Variants in CNOT2 observed in about 807,000 individuals in gnomAD.
CNOT2 encodes the protein CCR4-NOT transcription complex subunit 2.
CNOT2 carries 7 observed loss-of-function variants against 72.1 expected under a neutral mutation model. The ratio of observed to expected loss-of-function variants is 0.10; its 90% CI spans 0.06 to 0.18. The LOEUF is 0.18. CNOT2 is among the 10% of genes least tolerant of loss of function. The pLI, the probability that CNOT2 is intolerant of heterozygous loss-of-function variation, is 1.00. For missense variants in CNOT2, 345 were observed against 660.3 expected (o/e 0.52, Z 5.23); for synonymous variants, 196 against 225.6 (o/e 0.87, Z 1.17).
chr12:70,289,443 TC>T (rs1400605532), intron 2 of CNOT2, among the ~76,000 whole-genome samples: 9 of 152,034 alleles, frequency 5.9e-5, no homozygotes, highest in African/African-American at 2.2e-4. Flanking sequence ...TTTTTATGAG[TC>T]TTACACGTGG....
chr12:70,338,906 A>C, intron 11 of CNOT2, 84 bp downstream of exon 11: 159 of 1,104,710 alleles, frequency 1.4e-4, no homozygotes, highest in Non-Finnish European at 1.8e-4. Context: ...AAATTATCTC[A>C]CCTACTGCTA....
intron 4 of CNOT2, among the ~76,000 whole-genome samples, chr12:70,320,662 T>A (rs1157941550): frequency 6.6e-6 from 1 of 151,818 alleles, no homozygotes; most frequent in Non-Finnish European, 1.5e-5. Context: ...TGGTAACCCT[T>A]ACTATAGAAA....
intron 8 of CNOT2, chr12:70,337,186 T>C: frequency 4.7e-6 from 2 of 426,484 alleles, no homozygotes; most frequent in Non-Finnish European, 8.5e-6. Context: ...CCTTGTATTA[T>C]TTTGTATGTT....
At chr12:70,265,261 GT>G (rs1958966868) in intron 1 of CNOT2, among the ~76,000 whole-genome samples, 1 of 121,426 alleles carries the variant, frequency 8.2e-6, no homozygotes, top group South Asian at 2.5e-4. Flanking sequence ...CAAACCTGGA[GT>G]TTCGTTTTGT....
intron 14 of CNOT2, 156 bp from the exon 15 acceptor site, chr12:70,346,024 G>A (rs958550140): frequency 9.2e-6 from 5 of 545,488 alleles, no homozygotes; most frequent in Admixed American, 7.1e-5. Flanking sequence ...CAATGCGGTT[G>A]TATTTAATAA....
At chr12:70,252,675 G>C (rs75906221) in intron 1 of CNOT2, among the ~76,000 whole-genome samples, 3 of 152,070 alleles carry the variant, frequency 2.0e-5, no homozygotes, top group African/African-American at 7.2e-5. Flanking sequence ...GAACTAACCA[G>C]CCTGAAATGG....
At chr12:70,299,451 C>T (rs1026480482) in intron 2 of CNOT2, among the ~76,000 whole-genome samples, 1 of 148,670 alleles carries the variant, frequency 6.7e-6, no homozygotes, top group African/African-American at 2.5e-5. Context: ...TCAATTCCCA[C>T]CTATGAGTGA....
chr12:70,261,098 A>G (rs1344097863), intron 1 of CNOT2, among the ~76,000 whole-genome samples: 3 of 150,444 alleles, frequency 2.0e-5, no homozygotes, highest in African/African-American at 7.3e-5. Context: ...GGGCTGTTAG[A>G]TTTTTTCAGA....
chr12:70,347,120 G>C (rs1452573555), intron 15 of CNOT2, among the ~76,000 whole-genome samples: 1 of 151,202 alleles, frequency 6.6e-6, no homozygotes, highest in African/African-American at 2.4e-5. Flanking sequence ...TAATTAAAGA[G>C]TTAAATTTGT....
chr12:70,268,039 T>C lies in CNOT2; in HGVS notation c.-95-10093T>C, dbSNP rs1243416544. Among the ~76,000 whole-genome samples the C allele has an allele frequency of 2.6e-5, 4 of 152,238 alleles. 1 individual carries two copies. Among genetic ancestry groups the C allele is most frequent in the African/African-American group, 9.6e-5 (4 of 41,474 alleles). On this transcript the variant is annotated intron_variant, in intron 1 of 15. Transcript: ENST00000229195. ...AAGTTTGCCAACTCCTGGTCTGACA[T>C]GTACACACACATATTTTCCATTTTT...
chr12:70,339,066 A>G (rs367824342), intron 11 of CNOT2, among the ~76,000 whole-genome samples: 5 of 134,678 alleles, frequency 3.7e-5, no homozygotes, highest in South Asian at 2.6e-4. Flanking sequence ...GCATGTATAT[A>G]TGTGTGTGTG....
At chr12:70,284,989 T>C (rs1459475481) in intron 2 of CNOT2, among the ~76,000 whole-genome samples, 1 of 152,194 alleles carries the variant, frequency 6.6e-6, no homozygotes, top group African/African-American at 2.4e-5. Flanking sequence ...CACCCCTGTG[T>C]GTTCGCTCTG....
intron 2 of CNOT2, among the ~76,000 whole-genome samples, chr12:70,284,049 C>A (rs996663905): frequency 6.9e-6 from 1 of 145,352 alleles, no homozygotes; most frequent in Non-Finnish European, 1.5e-5. Flanking sequence ...TGAAGCGATT[C>A]TCCTGCCTCA....
At chr12:70,292,944 G>A (rs932306643) in intron 2 of CNOT2, among the ~76,000 whole-genome samples, 1 of 152,008 alleles carries the variant, frequency 6.6e-6, no homozygotes, top group African/African-American at 2.4e-5. Flanking sequence ...CATAAATTAG[G>A]ATTCTGATAC....
At chr12:70,245,353 TC>T (rs1344181238) in intron 1 of CNOT2, among the ~76,000 whole-genome samples, 1 of 152,232 alleles carries the variant, frequency 6.6e-6, no homozygotes, top group Non-Finnish European at 1.5e-5. Flanking sequence ...TCTCATATTT[TC>T]TGAGAGCTTG....
intron 1 of CNOT2, among the ~76,000 whole-genome samples, chr12:70,270,913 A>C (rs560077908): frequency 6.6e-6 from 1 of 152,210 alleles, no homozygotes; most frequent in South Asian, 2.1e-4. Context: ...ATGGTTCGGA[A>C]GGACTTATAT....
chr12:70,247,398 C>T (rs1039242155), intron 1 of CNOT2, among the ~76,000 whole-genome samples: 1 of 152,100 alleles, frequency 6.6e-6, no homozygotes, highest in African/African-American at 2.4e-5. Flanking sequence ...TCAGACGATC[C>T]GCCTGCCTCA....
chr12:70,246,197 G>A (rs893583222), intron 1 of CNOT2, among the ~76,000 whole-genome samples: 1 of 152,148 alleles, frequency 6.6e-6, no homozygotes, highest in Admixed American at 6.5e-5. Context: ...TTTAAAAGCA[G>A]TGGTAAATAA....
intron 2 of CNOT2, 85 bp from the exon 3 acceptor site, chr12:70,310,810 C>T: frequency 8.6e-7 from 1 of 1,158,038 alleles, no homozygotes; most frequent in Non-Finnish European, 1.2e-6. Context: ...ATGCTCCCTT[C>T]ATGTTCTGTT....
Sources: allele counts gnomAD v4.1 joint callset (sites outside exome capture counted in the v4.1 genomes callset), GRCh38; gene constraint gnomAD v4.1.1; transcripts MANE v1.5; gene names NCBI Gene and HGNC (gene_info 2026-07-23, HGNC 2026-07-21).